PDGFD: variants seen among roughly 807,000 people sequenced by gnomAD.
PDGFD encodes platelet-derived growth factor D.
Under a neutral mutation model 44.7 loss-of-function variants are expected in PDGFD, and 30 were observed. That is an observed-to-expected ratio of 0.67 (90% CI 0.50 to 0.91). The LOEUF (loss-of-function observed/expected upper bound fraction) is 0.91. PDGFD is among the 40% of genes least tolerant of loss of function. PDGFD has a pLI of 0.00. For synonymous variants in PDGFD, 173 were observed against 168.4 expected, an observed-to-expected ratio of 1.03 and a Z score of -0.21; for missense variants, 445 against 457.8, an observed-to-expected ratio of 0.97 and a Z score of 0.25.
intron 1 of PDGFD, among the ~76,000 whole-genome samples, chr11:104,027,266 C>A (rs1422412739): frequency 3.9e-5 from 6 of 152,218 alleles, no homozygotes. Context: ...AGGTTGAAGG[C>A]AGCTGTGACA....
At chr11:104,012,464 C>A (rs895801732) in intron 1 of PDGFD, among the ~76,000 whole-genome samples, 1 of 152,176 alleles carries the variant, frequency 6.6e-6, no homozygotes, top group South Asian at 2.1e-4. Flanking sequence ...GCTTTTAATG[C>A]AGACCTTTTA....
intron 5 of PDGFD, among the ~76,000 whole-genome samples, chr11:103,930,049 C>G (rs1231007598): frequency 6.6e-6 from 1 of 152,174 alleles, no homozygotes; most frequent in Admixed American, 6.5e-5. Flanking sequence ...CTTATTTCAT[C>G]CCAGTCTACA....
At chr11:104,141,585 C>A (rs912744068) in intron 1 of PDGFD, among the ~76,000 whole-genome samples, 3 of 152,046 alleles carry the variant, frequency 2.0e-5, no homozygotes, top group Non-Finnish European at 2.9e-5. Flanking sequence ...CAGGCACATG[C>A]CACTGCACTG....
chr11:104,072,236 T>C (rs1591149518), intron 1 of PDGFD, among the ~76,000 whole-genome samples: 1 of 151,892 alleles, frequency 6.6e-6, no homozygotes, highest in African/African-American at 2.4e-5. Flanking sequence ...AAACAAGGTA[T>C]GTCTTTTCAT....
chr11:103,962,370 G>A (rs1858951449), intron 3 of PDGFD, among the ~76,000 whole-genome samples: 1 of 152,100 alleles, frequency 6.6e-6, no homozygotes, highest in Non-Finnish European at 1.5e-5. Context: ...ACTTTATGAT[G>A]ACCCTTGAGG....
intron 3 of PDGFD, among the ~76,000 whole-genome samples, chr11:103,956,091 T>C (rs1246482834): frequency 1.3e-5 from 2 of 151,028 alleles, no homozygotes; most frequent in African/African-American, 4.9e-5. Flanking sequence ...TTTTAAGTTT[T>C]AAGGTACATG....
rs185413456 is a variant in PDGFD at position 103,994,759 on chromosome 11, T to G, written c.510+1306A>C. On this transcript the variant is annotated intron_variant, in intron 3 of 6. Transcript: ENST00000393158. ...TAAAAGGCAATATGCTACAAACAACTGAAGGATTCTGGGATATTTATGTTA... is the reference window on the plus strand; with the variant it reads ...TAAAAGGCAATATGCTACAAACAACGGAAGGATTCTGGGATATTTATGTTA... Among the ~76,000 whole-genome samples the G allele has an allele frequency of 3.6e-4, 54 of 152,098 alleles. 1 individual carries two copies. In the East Asian group the frequency reaches 7.5e-3, roughly 21 times the overall value.
intron 1 of PDGFD, among the ~76,000 whole-genome samples, chr11:104,156,304 T>C (rs960948458): frequency 1.3e-5 from 2 of 152,200 alleles, no homozygotes; most frequent in African/African-American, 4.8e-5. Context: ...GCAGTAAGCC[T>C]TGATTATGCC....
intron 6 of PDGFD, among the ~76,000 whole-genome samples, chr11:103,925,991 A>G (rs924812838): frequency 1.3e-5 from 2 of 151,962 alleles, no homozygotes; most frequent in Non-Finnish European, 2.9e-5. Context: ...GGCCTCCCAA[A>G]GTGCTAGGAT....
In PDGFD at chr11:104,164,082, G is replaced by T; in HGVS notation, c.-155C>A. The T allele has an allele frequency of 1.3e-6, 1 of 774,458 alleles. No individual in the cohort carries two copies. Among genetic ancestry groups the T allele is most frequent in the Non-Finnish European group, 1.9e-6 (1 of 525,774 alleles). 48.0% of individuals were successfully genotyped at this position (774,458 alleles called of 1,614,324 possible). A position where few individuals can be genotyped will look rare whatever the true frequency, so the allele number is the denominator to read the frequency against. On this transcript the variant is annotated 5_prime_UTR_variant, in exon 1 of 7. Coordinates refer to ENST00000393158, the MANE Select transcript of PDGFD (RefSeq NM_025208.5). ...TCGCCGAGCTCTCCCCAAACTTCCT[G>T]CATGCTGAACTTTCCGAGCGCGTGT... is the stretch of plus-strand genomic sequence containing the variant.
intron 3 of PDGFD, among the ~76,000 whole-genome samples, chr11:103,982,686 G>C (rs1035784980): frequency 1.3e-5 from 2 of 151,670 alleles, no homozygotes; most frequent in Admixed American, 6.6e-5. Context: ...CAGCCCAAAA[G>C]CTTTTTACAT....
At chr11:104,112,417 A>G (rs1861572447) in intron 1 of PDGFD, among the ~76,000 whole-genome samples, 1 of 151,912 alleles carries the variant, frequency 6.6e-6, no homozygotes, top group Admixed American at 6.6e-5. Flanking sequence ...ATGCTTATTC[A>G]CTGTTGGTGG....
At chr11:103,947,436 T>G (rs1302701648) in intron 4 of PDGFD, among the ~76,000 whole-genome samples, 5 of 149,410 alleles carry the variant, frequency 3.3e-5, no homozygotes, top group Non-Finnish European at 7.3e-5. Context: ...CTAGTGTGAG[T>G]TCCTACCATG....
chr11:103,992,740 T>A (rs1302405857), intron 3 of PDGFD, among the ~76,000 whole-genome samples: 2 of 152,232 alleles, frequency 1.3e-5, no homozygotes, highest in South Asian at 4.1e-4. Flanking sequence ...TGTTATCCAT[T>A]AGTCTCCACA....
intron 1 of PDGFD, among the ~76,000 whole-genome samples, chr11:104,111,396 G>T (rs1444869327): frequency 2.0e-5 from 3 of 151,650 alleles, no homozygotes; most frequent in African/African-American, 4.8e-5. Context: ...CAGAGAAGCT[G>T]GGATTACAGC....
chr11:104,012,163 G>C (rs1421428469), intron 1 of PDGFD, among the ~76,000 whole-genome samples: 1 of 152,106 alleles, frequency 6.6e-6, no homozygotes, highest in African/African-American at 2.4e-5. Context: ...AGCAGAAAAT[G>C]ATACAATTAA....
chr11:103,939,958 T>A (rs1172453965), intron 5 of PDGFD, among the ~76,000 whole-genome samples: 1 of 152,150 alleles, frequency 6.6e-6, no homozygotes, highest in Non-Finnish European at 1.5e-5. Flanking sequence ...CAGAAGCTTT[T>A]ACAGACAAGT....
chr11:104,047,054 T>C (rs1484400443), intron 1 of PDGFD, among the ~76,000 whole-genome samples: 1 of 147,080 alleles, frequency 6.8e-6, no homozygotes, highest in East Asian at 2.0e-4. Flanking sequence ...TCCATGTCCC[T>C]GCAGAGGACA....
chr11:103,929,076 A>G (rs1858361091), intron 5 of PDGFD, among the ~76,000 whole-genome samples: 1 of 152,202 alleles, frequency 6.6e-6, no homozygotes, highest in African/African-American at 2.4e-5. Flanking sequence ...CGCAAGCGGC[A>G]ACACTGAGTC....
Sources: gnomAD v4.1 joint callset for allele counts (sites outside exome capture counted in the v4.1 genomes callset) on GRCh38, gnomAD v4.1.1 for gene constraint, MANE v1.5 for transcripts, NCBI Gene and HGNC (gene_info 2026-07-23, HGNC 2026-07-21) for gene names.